Variants in UBR3 observed in about 807,000 individuals in gnomAD.
The protein encoded by UBR3 is E3 ubiquitin-protein ligase UBR3.
A neutral mutation model predicts 243.2 loss-of-function variants in UBR3; 85 were observed. That is an observed-to-expected ratio of 0.35 (90% CI 0.29 to 0.42). The LOEUF (loss-of-function observed/expected upper bound fraction) is 0.42. Among genes scored for constraint, UBR3 ranks in the 10% least tolerant of loss-of-function variants. The pLI is 1.00. For missense variants in UBR3, 1,686 were observed against 2,300.8 expected (o/e 0.73, Z 5.47); for synonymous variants, 748 against 799.8 (o/e 0.94, Z 1.09).
At chr2:170,011,543 A>G (rs950569697) in intron 29 of UBR3, among the ~76,000 whole-genome samples, 1 of 152,006 alleles carries the variant, frequency 6.6e-6, no homozygotes, top group African/African-American at 2.4e-5. Context: ...TCCCTGCTGA[A>G]TAAGTAATTT....
At chr2:170,021,701 T>C (rs1160520865) in intron 30 of UBR3, among the ~76,000 whole-genome samples, 1 of 152,150 alleles carries the variant, frequency 6.6e-6, no homozygotes, top group East Asian at 1.9e-4. Context: ...AGAATGAGAT[T>C]TATCCCCATG....
intron 36 of UBR3, among the ~76,000 whole-genome samples, chr2:170,076,928 ATTC>A (rs1430349566): frequency 6.6e-6 from 1 of 152,196 alleles, no homozygotes; most frequent in Non-Finnish European, 1.5e-5. Flanking sequence ...CAATATTTTT[ATTC>A]TTCTTGATAG....
At chr2:169,971,734 A>T (rs929572230) in intron 24 of UBR3, among the ~76,000 whole-genome samples, 1 of 152,152 alleles carries the variant, frequency 6.6e-6, no homozygotes, top group African/African-American at 2.4e-5. Context: ...TGTAGCCAAC[A>T]TACCAGAATC....
chr2:170,011,009 A>G (rs559150474), intron 29 of UBR3, among the ~76,000 whole-genome samples: 78 of 152,182 alleles, frequency 5.1e-4, no homozygotes, highest in African/African-American at 1.7e-3. Context: ...TGAAAAATAA[A>G]AAAAAATTAG....
At chr2:170,059,545 A>G (rs534935715) in intron 33 of UBR3, among the ~76,000 whole-genome samples, 1 of 152,348 alleles carries the variant, frequency 6.6e-6, no homozygotes, top group Non-Finnish European at 1.5e-5. Context: ...AATCAATTTT[A>G]AAAACATGAT....
Position 169,896,457 on chromosome 2 carries a change from T to C in UBR3, c.1237-50T>C, listed in dbSNP as rs951488458. On this transcript the variant is annotated intron_variant, in intron 7 of 38. Coordinates refer to ENST00000272793, the MANE Select transcript of UBR3 (RefSeq NM_172070.4). ...ATGATATATTGAAAATGATTTTAAA[T>C]TAAAAATTAAAACTAATGTGTTTTT... The C allele has an allele frequency of 5.1e-6, 6 of 1,181,518 alleles. No individual in the cohort carries two copies. The African/African-American group carries it at 9.3e-5, about 18-fold the overall frequency. The allele number at this position is 1,181,518 out of a possible 1,614,324, so 73.2% of individuals were successfully genotyped here. A position where few individuals can be genotyped will look rare whatever the true frequency, so the allele number is the denominator to read the frequency against.
In UBR3 at chr2:169,896,518, A is replaced by G. The variant is rs969643220; in HGVS notation, c.1248A>G (p.Thr416=). The G allele has an allele frequency of 1.2e-4, 178 of 1,522,528 alleles. No homozygotes were observed. The highest frequency in any genetic ancestry group is 1.6e-4 in the Non-Finnish European group (176 of 1,130,748). 94.3% of individuals were successfully genotyped at this position (1,522,528 alleles called of 1,614,324 possible). A position where few individuals can be genotyped will look rare whatever the true frequency, so the allele number is the denominator to read the frequency against. ...TAAAATGTTTACAGGTTGCTTTTACAAAAACTTTTGTTCAGCATTATGCTT... is the reference window on the plus strand; with the variant it reads ...TAAAATGTTTACAGGTTGCTTTTACGAAAACTTTTGTTCAGCATTATGCTT... ...LPDQEYKVAF[T]KTFVQHYAFI... The change falls in exon 8 of 39, where the codon ACA becomes ACG. Residue 416 remains threonine (T), a synonymous_variant. Transcript: ENST00000272793.
intron 1 of UBR3, among the ~76,000 whole-genome samples, chr2:169,837,572 G>A (rs1029351893): frequency 1.2e-4 from 18 of 152,324 alleles, no homozygotes; most frequent in Admixed American, 1.0e-3. Context: ...GGAGGCCTTA[G>A]GAAACGTAGA....
At chr2:169,875,767 A>T (rs1236785061) in intron 2 of UBR3, 24 bp from the exon 3 acceptor site, 3 of 1,495,430 alleles carry the variant, frequency 2.0e-6, no homozygotes, top group South Asian at 2.7e-5. Context: ...CCCTTATTTG[A>T]TTTTTTTTCT....
intron 31 of UBR3, among the ~76,000 whole-genome samples, chr2:170,031,314 T>G (rs1286789793): frequency 6.6e-6 from 1 of 152,144 alleles, no homozygotes; most frequent in East Asian, 1.9e-4. Flanking sequence ...TTGCAATACA[T>G]TTCACCAGAT....
chr2:169,871,425 A>C (rs1395028226), intron 1 of UBR3, among the ~76,000 whole-genome samples: 1 of 151,746 alleles, frequency 6.6e-6, no homozygotes, highest in Non-Finnish European at 1.5e-5. Context: ...GAAAAAAAAA[A>C]AAAAACAGTT....
At chr2:170,039,700 C>T (rs2090917853) in intron 31 of UBR3, among the ~76,000 whole-genome samples, 1 of 152,110 alleles carries the variant, frequency 6.6e-6, no homozygotes, top group Admixed American at 6.5e-5. Flanking sequence ...AGTGTAGCTT[C>T]AGAATTTAGC....
chr2:169,890,538 G>GATATATATATAT (rs1238478825), intron 5 of UBR3, among the ~76,000 whole-genome samples: 2 of 77,574 alleles, frequency 2.6e-5, no homozygotes, highest in African/African-American at 6.2e-5. Flanking sequence ...GAGAGAGAGA[G>GATATATATATAT]AGATATATAT....
chr2:169,914,025 A>ATG (rs1281820783), intron 10 of UBR3, 35 bp from the exon 11 acceptor site: 12 of 1,009,348 alleles, frequency 1.2e-5, no homozygotes, highest in Non-Finnish European at 1.6e-5. Flanking sequence ...ATGTTTATAT[A>ATG]TCATAAATTT....
intron 33 of UBR3, among the ~76,000 whole-genome samples, chr2:170,056,741 T>C (rs1476964133): frequency 6.6e-6 from 1 of 152,220 alleles, no homozygotes; most frequent in Non-Finnish European, 1.5e-5. Context: ...CCTTCACTGT[T>C]ATCATCAGTT....
At chr2:169,954,220 CTTG>C (rs1305074345) in intron 23 of UBR3, among the ~76,000 whole-genome samples, 18 of 150,564 alleles carry the variant, frequency 1.2e-4, no homozygotes, top group African/African-American at 2.2e-4. Flanking sequence ...CTTGTCTTGT[CTTG>C]TCTTCTCTTC....
chr2:169,966,080 T>C (rs1205537063), intron 24 of UBR3, among the ~76,000 whole-genome samples: 1 of 152,230 alleles, frequency 6.6e-6, no homozygotes, highest in Non-Finnish European at 1.5e-5. Flanking sequence ...ATCTGTTTAA[T>C]GCCTTTCTCT....
Position 170,082,630 on chromosome 2 carries a change from C to G in UBR3, c.*787C>G, listed in dbSNP as rs1042909209. The G allele has an allele frequency of 1.3e-5, 2 of 152,550 alleles. No individual in the cohort carries two copies. The highest frequency in any genetic ancestry group is 4.8e-5 in the African/African-American group (2 of 41,420). The allele number at this position is 152,550 out of a possible 1,614,324, so 9.4% of individuals were successfully genotyped here. On this transcript the variant is annotated 3_prime_UTR_variant, in exon 39 of 39. Coordinates refer to ENST00000272793, the MANE Select transcript of UBR3 (RefSeq NM_172070.4). The stretch of plus-strand genomic sequence containing the variant: ...GTAATAACAAATCTTACTATGAAAT[C>G]AAGAGGTTTAAGAACATACACTGGG...
intron 23 of UBR3, among the ~76,000 whole-genome samples, chr2:169,951,513 G>A (rs997293975): frequency 1.3e-5 from 2 of 152,148 alleles, no homozygotes; most frequent in Non-Finnish European, 2.9e-5. Flanking sequence ...TTTGTTAGTA[G>A]TGTTAACATA....
Sources: allele counts gnomAD v4.1 joint callset (sites outside exome capture counted in the v4.1 genomes callset), GRCh38; gene constraint gnomAD v4.1.1; transcripts MANE v1.5; gene names NCBI Gene and HGNC (gene_info 2026-07-23, HGNC 2026-07-21).